The following PTPRD variants were observed in gnomAD, a reference collection of about 807,000 sequenced individuals.
PTPRD encodes the protein protein tyrosine phosphatase receptor type D, also known as receptor-type tyrosine-protein phosphatase delta.
Under a neutral mutation model 214.5 loss-of-function variants are expected in PTPRD, and 34 were observed. The observed-to-expected ratio is 0.16, with a 90% confidence interval of 0.12 to 0.21. PTPRD has a LOEUF of 0.21. Ranked by LOEUF, PTPRD falls within the 10% of genes least tolerant of loss-of-function variation. The pLI, the probability that PTPRD is intolerant of heterozygous loss-of-function variation, is 1.00. For synonymous variants in PTPRD, 1,128 were observed against 845.7 expected (o/e 1.33, Z -5.79); for missense variants, 2,545 against 2,398.7 (o/e 1.06, Z -1.27).
chr9:9,684,050 C>G (rs2097124802), intron 7 of PTPRD, among the ~76,000 whole-genome samples: 1 of 151,476 alleles, frequency 6.6e-6, no homozygotes, highest in Admixed American at 6.6e-5. Flanking sequence ...GAACTGTTTT[C>G]ACAATTTTAA....
chr9:9,712,858 T>C (rs182676128), intron 7 of PTPRD, among the ~76,000 whole-genome samples: 16 of 152,308 alleles, frequency 1.1e-4, no homozygotes, highest in Admixed American at 2.6e-4. Flanking sequence ...ATGGTATTTG[T>C]TTTTAATAGG....
intron 11 of PTPRD, among the ~76,000 whole-genome samples, chr9:8,736,702 CT>C (rs35782310): frequency 0.013 from 1,921 of 143,124 alleles, 30 homozygotes; most frequent in African/African-American, 0.037. Flanking sequence ...AGATAGTCTC[CT>C]TTTTTTTTTT....
intron 7 of PTPRD, among the ~76,000 whole-genome samples, chr9:9,622,083 C>G (rs1381916024): frequency 6.6e-6 from 1 of 152,120 alleles, no homozygotes; most frequent in East Asian, 1.9e-4. Context: ...AAAACACAGA[C>G]TCTACATAGA....
intron 35 of PTPRD, among the ~76,000 whole-genome samples, chr9:8,431,301 G>A (rs539566437): frequency 3.3e-5 from 5 of 152,214 alleles, no homozygotes; most frequent in African/African-American, 7.2e-5. Flanking sequence ...AAAAGAAGAC[G>A]CTGGCTTGTA....
chr9:8,592,804 A>G (rs899786739), intron 14 of PTPRD, among the ~76,000 whole-genome samples: 1 of 152,246 alleles, frequency 6.6e-6, no homozygotes, highest in Admixed American at 6.5e-5. Context: ...GTGTTAATGC[A>G]GCTATTACAT....
At chr9:10,165,447 C>T (rs1041130248) in intron 3 of PTPRD, among the ~76,000 whole-genome samples, 5 of 151,492 alleles carry the variant, frequency 3.3e-5, no homozygotes, top group African/African-American at 9.7e-5. Flanking sequence ...GAATAACATG[C>T]TGAAAAAATT....
intron 7 of PTPRD, among the ~76,000 whole-genome samples, chr9:9,732,356 A>C (rs2098212551): frequency 6.6e-6 from 1 of 152,116 alleles, no homozygotes; most frequent in African/African-American, 2.4e-5. Context: ...ACAAACAAAC[A>C]AACAAGCAGG....
chr9:8,608,158 T>G (rs1011436542), intron 14 of PTPRD, among the ~76,000 whole-genome samples: 2 of 151,992 alleles, frequency 1.3e-5, no homozygotes, highest in Non-Finnish European at 2.9e-5. Context: ...ATAGGATATA[T>G]CTATACATTA....
intron 4 of PTPRD, among the ~76,000 whole-genome samples, chr9:9,981,114 T>G (rs974415850): frequency 6.6e-6 from 1 of 152,114 alleles, no homozygotes; most frequent in Non-Finnish European, 1.5e-5. Context: ...TATTTTTTAG[T>G]GGAGGAATTC....
chr9:9,490,032 A>G (rs1009704296), intron 8 of PTPRD, among the ~76,000 whole-genome samples: 1 of 152,122 alleles, frequency 6.6e-6, no homozygotes, highest in African/African-American at 2.4e-5. Flanking sequence ...GCCACATATA[A>G]GAGATCCTCC....
chr9:9,879,014 T>C (rs938425296), intron 5 of PTPRD, among the ~76,000 whole-genome samples: 3 of 152,190 alleles, frequency 2.0e-5, no homozygotes, highest in African/African-American at 4.8e-5. Context: ...GCCCTCAAAA[T>C]AGATTATTTT....
At chr9:9,263,302 A>T (rs1417749827) in intron 9 of PTPRD, among the ~76,000 whole-genome samples, 1 of 151,634 alleles carries the variant, frequency 6.6e-6, no homozygotes, top group African/African-American at 2.4e-5. Flanking sequence ...TACATCTCCT[A>T]TAGGAGAATT....
At chr9:8,798,531 T>C (rs538111326) in intron 11 of PTPRD, among the ~76,000 whole-genome samples, 1 of 152,348 alleles carries the variant, frequency 6.6e-6, no homozygotes, top group African/African-American at 2.4e-5. Flanking sequence ...CAAATCATTC[T>C]GAACCATCTT....
chr9:8,672,942 A>C (rs1182714610), intron 12 of PTPRD, among the ~76,000 whole-genome samples: 1 of 152,144 alleles, frequency 6.6e-6, no homozygotes, highest in African/African-American at 2.4e-5. Context: ...CAGTAGACAC[A>C]GCAAATAAAT....
intron 11 of PTPRD, among the ~76,000 whole-genome samples, chr9:8,779,804 T>A (rs1471690540): frequency 6.7e-6 from 1 of 148,874 alleles, no homozygotes; most frequent in African/African-American, 2.5e-5. Flanking sequence ...ATTATGTCGA[T>A]GTTTTGTTGG....
chr9:9,027,319 T>G (rs998708459), intron 10 of PTPRD, among the ~76,000 whole-genome samples: 1 of 151,938 alleles, frequency 6.6e-6, no homozygotes, highest in Non-Finnish European at 1.5e-5. Context: ...TATATCTGCA[T>G]GTTCAGCTTT....
chr9:9,610,712 T>C (rs2094467722), intron 7 of PTPRD, among the ~76,000 whole-genome samples: 1 of 152,220 alleles, frequency 6.6e-6, no homozygotes, highest in Non-Finnish European at 1.5e-5. Context: ...TTTTAACTAG[T>C]ATAATTATTG....
intron 11 of PTPRD, among the ~76,000 whole-genome samples, chr9:8,866,329 T>C (rs530966466): frequency 6.6e-6 from 1 of 152,282 alleles, no homozygotes; most frequent in African/African-American, 2.4e-5. Flanking sequence ...ATGTTTTCTT[T>C]CCTTTTCTTA....
At chr9:9,914,446 G>C (rs1009213504) in intron 5 of PTPRD, among the ~76,000 whole-genome samples, 2 of 152,186 alleles carry the variant, frequency 1.3e-5, no homozygotes, top group African/African-American at 2.4e-5. Context: ...CACGTCAGGG[G>C]CCTAAGAAAT....
Sources: gnomAD v4.1 joint callset for allele counts (sites outside exome capture counted in the v4.1 genomes callset) on GRCh38, gnomAD v4.1.1 for gene constraint, MANE v1.5 for transcripts, NCBI Gene and HGNC (gene_info 2026-07-23, HGNC 2026-07-21) for gene names.